The following TIMD4 variants were observed in gnomAD, a reference collection of about 807,000 sequenced individuals.
The protein encoded by TIMD4 is T-cell immunoglobulin and mucin domain-containing protein 4.
Under a neutral mutation model 41.2 loss-of-function variants are expected in TIMD4, and 31 were observed. That is an observed-to-expected ratio of 0.75 (90% CI 0.57 to 1.01). The LOEUF (loss-of-function observed/expected upper bound fraction) is 1.01, where lower values mean the gene tolerates loss of function less well. Among genes scored for constraint, TIMD4 ranks in the 50% least tolerant of loss-of-function variants. The pLI is 0.00. For synonymous variants in TIMD4, 204 were observed against 177.1 expected (o/e 1.15, Z -1.21); for missense variants, 479 against 472.5 (o/e 1.01, Z -0.13).
intron 5 of TIMD4, among the ~76,000 whole-genome samples, chr5:156,932,889 A>G (rs1759468382): frequency 6.6e-6 from 1 of 152,070 alleles, no homozygotes; most frequent in South Asian, 2.1e-4. Flanking sequence ...CTGTAATCCC[A>G]GCTACTCCGG....
chr5:156,951,733 C>G lies in TIMD4; in HGVS notation c.458G>C (p.Ser153Thr). 1 of 1,613,858 alleles carries G rather than the reference C, an allele frequency of 6.2e-7. No homozygotes were observed. Among genetic ancestry groups the G allele is most frequent in the Non-Finnish European group, 8.5e-7 (1 of 1,179,968 alleles). ...TTTTRRTTTT[S>T]PTTTRQMTTT... The stretch of plus-strand genomic sequence containing the variant: ...TGTCATTTGTCGGGTGGTGGTGGGG[C>G]TTGTTGTTGTTGTTCTGCGTGTGGT... The change falls in exon 3 of 9, where the codon AGC becomes ACC. Residue 153 changes from serine to threonine, a missense_variant. Physicochemically the swap from Ser to Thr is moderately conservative, Grantham distance 58. Transcript: ENST00000274532.
chr5:156,926,140 G>C (rs1759343645), intron 6 of TIMD4, 123 bp downstream of exon 6: 2 of 922,604 alleles, frequency 2.2e-6, no homozygotes. Flanking sequence ...CTGGCATCAA[G>C]TGATCTGCCC....
chr5:156,920,383 C>T (rs1759213466), intron 8 of TIMD4, 81 bp downstream of exon 8: 1 of 1,460,584 alleles, frequency 6.8e-7, no homozygotes, highest in South Asian at 1.2e-5. Flanking sequence ...AAGCTCAAGT[C>T]ATTAAACCAC....
chr5:156,959,782 G>A (rs1356147025), intron 1 of TIMD4, among the ~76,000 whole-genome samples: 2 of 152,214 alleles, frequency 1.3e-5, no homozygotes, highest in Non-Finnish European at 2.9e-5. Flanking sequence ...GCTCACACCT[G>A]TAATCCCAGC....
Position 156,949,638 on chromosome 5 carries a change from A to G in TIMD4, c.760+13T>C, listed in dbSNP as rs199584085. The G allele has an allele frequency of 3.1e-5, 49 of 1,600,220 alleles. No individual in the cohort carries two copies. In the East Asian group the frequency reaches 1.0e-3, roughly 34 times the overall value. On this transcript the variant is annotated intron_variant, in intron 4 of 8. Coordinates refer to ENST00000274532, the MANE Select transcript of TIMD4 (RefSeq NM_138379.3). ...AGGGTGAGGGAGGACAGAGAGAGTGAGTGTCTGCACACCTTTGGATGTCAG... is the reference window on the plus strand; with the variant it reads ...AGGGTGAGGGAGGACAGAGAGAGTGGGTGTCTGCACACCTTTGGATGTCAG...
intron 5 of TIMD4, among the ~76,000 whole-genome samples, chr5:156,930,517 G>C (rs1426864984): frequency 1.3e-5 from 2 of 152,242 alleles, no homozygotes; most frequent in Non-Finnish European, 2.9e-5. Flanking sequence ...GTTCAGGACA[G>C]TGATTTGCAC....
chr5:156,921,982 T>C, intron 7 of TIMD4, 117 bp downstream of exon 7: 2 of 722,808 alleles, frequency 2.8e-6, no homozygotes, highest in East Asian at 2.8e-5. Flanking sequence ...ATGGGAACAA[T>C]GGCAGAACTG....
rs1252402455 is a variant in TIMD4 at position 156,937,564 on chromosome 5, G to C, written c.844+10852C>G. Among the ~76,000 whole-genome samples, 4 of 152,112 alleles carry C rather than the reference G, an allele frequency of 2.6e-5. 1 individual carries two copies. The highest frequency in any genetic ancestry group is 2.6e-4 in the Admixed American group (4 of 15,266). On this transcript the variant is annotated intron_variant, in intron 5 of 8. Coordinates refer to ENST00000274532, the MANE Select transcript of TIMD4 (RefSeq NM_138379.3). The stretch of plus-strand genomic sequence containing the variant: ...GCCATCAATGAGGACCTATCTCGGG[G>C]CTGGCTTTGTGTTCTATTTCAACAG...
intron 7 of TIMD4, 72 bp downstream of exon 7, chr5:156,922,027 G>A: frequency 4.2e-6 from 5 of 1,194,564 alleles, no homozygotes; most frequent in South Asian, 1.4e-5. Context: ...GGAAGGAAGT[G>A]GAGACAACTC....
chr5:156,938,995 T>C (rs564873813), intron 5 of TIMD4, among the ~76,000 whole-genome samples: 3 of 152,324 alleles, frequency 2.0e-5, no homozygotes, highest in African/African-American at 7.2e-5. Context: ...AGCTCCTTAG[T>C]TGGCTTTTCT....
chr5:156,937,196 G>T (rs528834265), intron 5 of TIMD4, among the ~76,000 whole-genome samples: 1 of 152,080 alleles, frequency 6.6e-6, no homozygotes, highest in African/African-American at 2.4e-5. Flanking sequence ...CTTGCCCAAG[G>T]CTGCATAGCT....
At chr5:156,930,321 C>T (rs1759423928) in intron 5 of TIMD4, among the ~76,000 whole-genome samples, 1 of 152,034 alleles carries the variant, frequency 6.6e-6, no homozygotes, top group African/African-American at 2.4e-5. Flanking sequence ...GCCATATTGC[C>T]AGTGAAAAAA....
At chr5:156,944,403 A>T (rs2113372626) in intron 5 of TIMD4, among the ~76,000 whole-genome samples, 1 of 151,900 alleles carries the variant, frequency 6.6e-6, no homozygotes, top group East Asian at 1.9e-4. Flanking sequence ...GCTCATCTAC[A>T]GATATCCCCC....
intron 5 of TIMD4, among the ~76,000 whole-genome samples, chr5:156,933,765 GCTGGT>G (rs1213735189): frequency 6.6e-6 from 1 of 152,046 alleles, no homozygotes; most frequent in African/African-American, 2.4e-5. Flanking sequence ...TGTTGGCCAG[GCTGGT>G]CTCAAACTCC....
chr5:156,951,074 C>T (rs376029546), intron 3 of TIMD4, among the ~76,000 whole-genome samples: 25 of 151,504 alleles, frequency 1.7e-4, no homozygotes, highest in African/African-American at 5.8e-4. Flanking sequence ...CCTCAAAATT[C>T]ATATGTTGAA....
intron 5 of TIMD4, among the ~76,000 whole-genome samples, chr5:156,936,858 G>C (rs1354709649): frequency 6.6e-6 from 1 of 151,576 alleles, no homozygotes; most frequent in Non-Finnish European, 1.5e-5. Flanking sequence ...CTTGAACATG[G>C]GAGGCAGAGG....
At chr5:156,923,772 C>T (rs1371548373) in intron 6 of TIMD4, among the ~76,000 whole-genome samples, 1 of 151,350 alleles carries the variant, frequency 6.6e-6, no homozygotes, top group Non-Finnish European at 1.5e-5. Flanking sequence ...TCTTGAACTC[C>T]TGGGCTCAAG....
rs570106720 is a variant in TIMD4, at chr5:156,947,582, G to A, written c.844+834C>T. Among the ~76,000 whole-genome samples the A allele has an allele frequency of 2.6e-5, 4 of 152,326 alleles. No individual in the cohort carries two copies. The South Asian group carries it at 8.3e-4, about 32-fold the overall frequency. On this transcript the variant is annotated intron_variant, in intron 5 of 8. Transcript: ENST00000274532. ...AAGAAATACTGTGAGTACTCATAAT[G>A]TGAAATATTACACAGCAATTTGACA...
chr5:156,924,305 C>T lies in TIMD4; in HGVS notation c.894+1958G>A, dbSNP rs532979156. On this transcript the variant is annotated intron_variant, in intron 6 of 8. Coordinates refer to ENST00000274532, the MANE Select transcript of TIMD4 (RefSeq NM_138379.3). ...GAGTCAAGGACCCAGCTTAGGAAAGCATCTCTCAGCTTTGACATTATCAAG... is the reference window on the plus strand; with the variant it reads ...GAGTCAAGGACCCAGCTTAGGAAAGTATCTCTCAGCTTTGACATTATCAAG... 8.7e-6 allele frequency: 3 copies of T among 344,674 alleles called. No homozygotes were observed. The East Asian group carries it at 2.4e-4, about 28-fold the overall frequency. The allele number at this position is 344,674 out of a possible 1,614,324, so 21.4% of individuals were successfully genotyped here.
Sources: allele counts gnomAD v4.1 joint callset (sites outside exome capture counted in the v4.1 genomes callset), GRCh38; gene constraint gnomAD v4.1.1; transcripts MANE v1.5; gene names NCBI Gene and HGNC (gene_info 2026-07-23, HGNC 2026-07-21).